Variants in FGF2 observed in about 807,000 individuals in gnomAD.
The protein encoded by FGF2 is basic fibroblast growth factor bFGF.
In FGF2, 13 loss-of-function variants were observed where a neutral mutation model predicts 15.9. The ratio of observed to expected loss-of-function variants is 0.82; its 90% CI spans 0.53 to 1.30. The LOEUF is 1.30. Ranked by LOEUF, FGF2 falls within the 50% of genes most tolerant of loss-of-function variation. The pLI, the probability that FGF2 is intolerant of heterozygous loss-of-function variation, is 0.00. For synonymous variants in FGF2, 90 were observed against 78.4 expected, an observed-to-expected ratio of 1.15 and a Z score of -0.78; for missense variants, 163 against 196.9, an observed-to-expected ratio of 0.83 and a Z score of 1.03.
At chr4:122,872,494 G>A (rs775991465) in intron 1 of FGF2, among the ~76,000 whole-genome samples, 2 of 151,892 alleles carry the variant, frequency 1.3e-5, no homozygotes, top group Non-Finnish European at 2.9e-5. Context: ...AGCAAGACAG[G>A]CCAACATGCA....
At chr4:122,840,304 G>A (rs983737368) in intron 1 of FGF2, 1 of 152,138 alleles carries the variant, frequency 6.6e-6, no homozygotes, top group Non-Finnish European at 1.5e-5. Flanking sequence ...CTCTGATCAT[G>A]TTACTTCTCA....
At chr4:122,830,095 G>T (rs1320947446) in intron 1 of FGF2, among the ~76,000 whole-genome samples, 1 of 151,862 alleles carries the variant, frequency 6.6e-6, no homozygotes, top group East Asian at 1.9e-4. Flanking sequence ...TTTTTCCTTT[G>T]GCATGACACT....
chr4:122,890,326 G>A (rs893783196), intron 2 of FGF2, among the ~76,000 whole-genome samples: 1 of 152,122 alleles, frequency 6.6e-6, no homozygotes. Flanking sequence ...ATATAGCTGG[G>A]TCCTGTCAAT....
At chr4:122,833,181 G>C (rs928621344) in intron 1 of FGF2, among the ~76,000 whole-genome samples, 3 of 148,840 alleles carry the variant, frequency 2.0e-5, no homozygotes, top group East Asian at 2.0e-4. Flanking sequence ...TATAATGGAT[G>C]TGTGTGTGTG....
intron 1 of FGF2, among the ~76,000 whole-genome samples, chr4:122,852,151 A>T (rs1478301403): frequency 1.3e-5 from 2 of 152,232 alleles, no homozygotes; most frequent in African/African-American, 4.8e-5. Flanking sequence ...GTGATTTTAT[A>T]TTTTATGATT....
At chr4:122,836,856 C>G (rs905523818) in intron 1 of FGF2, among the ~76,000 whole-genome samples, 1 of 152,166 alleles carries the variant, frequency 6.6e-6, no homozygotes. Flanking sequence ...TTTGTTGGAT[C>G]ACTTTTTATT....
At chr4:122,875,123 AT>A (rs1184538314) in intron 1 of FGF2, among the ~76,000 whole-genome samples, 1 of 152,200 alleles carries the variant, frequency 6.6e-6, no homozygotes, top group Admixed American at 6.5e-5. Context: ...GCAAAAATAT[AT>A]TTGGGGGAAT....
intron 2 of FGF2, among the ~76,000 whole-genome samples, chr4:122,891,021 C>CTTTTTTTTTTTTTT (rs769084285): frequency 2.3e-4 from 22 of 94,712 alleles, no homozygotes; most frequent in East Asian, 1.3e-3. Context: ...AACAATTTAT[C>CTTTTTTTTTTTTTT]TTTTTTTTTT....
Position 122,869,601 on chromosome 4 carries a change from G to A in FGF2, c.179-6720G>A, listed in dbSNP as rs141561150. Among the ~76,000 whole-genome samples, 7 of 152,218 alleles carry A rather than the reference G, an allele frequency of 4.6e-5. No homozygotes were observed. In the East Asian group the frequency reaches 1.4e-3, roughly 29 times the overall value. On this transcript the variant is annotated intron_variant, in intron 1 of 2. Coordinates refer to ENST00000644866, the MANE Select transcript of FGF2 (RefSeq NM_001361665.2). The stretch of plus-strand genomic sequence containing the variant: ...GTATTTTATTCTCTTTGTAACGATT[G>A]TGAACGGGAGTTCATTCATGATTTG...
intron 1 of FGF2, among the ~76,000 whole-genome samples, chr4:122,866,886 C>T (rs1726607711): frequency 2.0e-5 from 3 of 152,318 alleles, no homozygotes; most frequent in South Asian, 4.1e-4. Context: ...TACGAATGTT[C>T]ATAGCAACGT....
chr4:122,842,032 C>G (rs894744880), intron 1 of FGF2, among the ~76,000 whole-genome samples: 1 of 152,182 alleles, frequency 6.6e-6, no homozygotes, highest in Non-Finnish European at 1.5e-5. Context: ...TGGCTCTGCC[C>G]ATGGGTATCA....
Position 122,893,488 on chromosome 4 carries a change from G to T in FGF2, c.*1092G>T. ...GGCTTATCTACCTGTACATTTTTGG[G>T]GTCAGCTCTTTTTAACTTCTTGCTG... On this transcript the variant is annotated 3_prime_UTR_variant, in exon 3 of 3. Transcript: ENST00000644866. 1 of 320,798 alleles carries T rather than the reference G, an allele frequency of 3.1e-6. No homozygotes were observed. Among genetic ancestry groups the T allele is most frequent in the Admixed American group, 4.6e-5 (1 of 21,512 alleles). 19.9% of individuals were successfully genotyped at this position (320,798 alleles called of 1,614,324 possible).
intron 1 of FGF2, among the ~76,000 whole-genome samples, chr4:122,832,466 C>T (rs538694843): frequency 3.6e-4 from 55 of 152,198 alleles, no homozygotes; most frequent in African/African-American, 1.2e-3. Context: ...TGGCTGGTCT[C>T]GAACTCCAGA....
intron 1 of FGF2, among the ~76,000 whole-genome samples, chr4:122,838,765 T>G (rs569763810): frequency 6.6e-6 from 1 of 152,334 alleles, no homozygotes; most frequent in Admixed American, 6.5e-5. Context: ...CTGTCATGAT[T>G]TAGTATGAGA....
Position 122,826,939 on chromosome 4 carries a change from C to G in FGF2, c.-236C>G. 2 of 1,428,258 alleles carry G rather than the reference C, an allele frequency of 1.4e-6. No individual in the cohort carries two copies. Among genetic ancestry groups the G allele is most frequent in the Non-Finnish European group, 9.2e-7 (1 of 1,085,864 alleles). The allele number at this position is 1,428,258 out of a possible 1,614,324, so 88.5% of individuals were successfully genotyped here. On this transcript the variant is annotated 5_prime_UTR_variant, in exon 1 of 3. Coordinates refer to ENST00000644866, the MANE Select transcript of FGF2 (RefSeq NM_001361665.2). ...CCGCGGAGACACCCATCCGTGAACC[C>G]CAGGTCCCGGGCCGCCGGCTCGCCG...
chr4:122,843,680 G>A (rs1297442059), intron 1 of FGF2, among the ~76,000 whole-genome samples: 1 of 152,116 alleles, frequency 6.6e-6, no homozygotes, highest in African/African-American at 2.4e-5. Flanking sequence ...CCAGACCACC[G>A]CAATAAAGTA....
rs377621586 is a variant in FGF2 at position 122,827,362 on chromosome 4, G to C, written c.178+10G>C. On this transcript the variant is annotated intron_variant, in intron 1 of 2. Coordinates refer to ENST00000644866, the MANE Select transcript of FGF2 (RefSeq NM_001361665.2). The surrounding 1 kb of genome is among the most constrained non-coding windows in gnomAD (Gnocchi z 4.2). ...AAGAGCGACCCTCACAGTGAGTGCC[G>C]ACCCGCTCTCTCCGCCTCATTTCCA... 6.8e-6 allele frequency: 11 copies of C among 1,612,432 alleles called. No homozygotes were observed. The highest frequency in any genetic ancestry group is 3.3e-5 in the South Asian group (3 of 91,046).
At chr4:122,845,390 G>A (rs1726089359) in intron 1 of FGF2, among the ~76,000 whole-genome samples, 1 of 152,180 alleles carries the variant, frequency 6.6e-6, no homozygotes, top group African/African-American at 2.4e-5. Flanking sequence ...CCTCTAACAA[G>A]AGAGTCAGCC....
chr4:122,885,872 A>AT (rs1727045407), intron 2 of FGF2, among the ~76,000 whole-genome samples: 1 of 90,158 alleles, frequency 1.1e-5, no homozygotes, highest in South Asian at 3.2e-4. Flanking sequence ...CTGTTGAGGT[A>AT]TTTTTTAGAA....
Sources: gnomAD v4.1 joint callset for allele counts (sites outside exome capture counted in the v4.1 genomes callset) on GRCh38, gnomAD v4.1.1 for gene constraint, Gnocchi (gnomAD v3.1) non-coding constraint, MANE v1.5 for transcripts, NCBI Gene and HGNC (gene_info 2026-07-23, HGNC 2026-07-21) for gene names.